STXBP3: variants seen among roughly 807,000 people sequenced by gnomAD.
The protein encoded by STXBP3 is syntaxin binding protein 3, also known as syntaxin-binding protein 3.
Under a neutral mutation model 85.7 loss-of-function variants are expected in STXBP3, and 41 were observed. The observed-to-expected ratio is 0.48, with a 90% CI of 0.37 to 0.62. STXBP3 has a LOEUF of 0.62. STXBP3 is among the 20% of genes least tolerant of loss of function. STXBP3 has a pLI of 0.00. For missense variants in STXBP3, 563 were observed against 703.1 expected (o/e 0.80, Z 2.25); for synonymous variants, 229 against 231.7 (o/e 0.99, Z 0.10).
chr1:108,806,184 A>G (rs1044326689), intron 17 of STXBP3, among the ~76,000 whole-genome samples: 4 of 152,180 alleles, frequency 2.6e-5, no homozygotes, highest in East Asian at 1.9e-4. Flanking sequence ...AGTAATTCCT[A>G]TGCTCTAGAG....
At chr1:108,797,183 C>T (rs529172401) in intron 15 of STXBP3, among the ~76,000 whole-genome samples, 6 of 151,620 alleles carry the variant, frequency 4.0e-5, no homozygotes, top group Non-Finnish European at 7.4e-5. Flanking sequence ...AGTAAGACCT[C>T]GCCTCTACAA....
In STXBP3 at chr1:108,776,390, C is replaced by T. The variant is rs765593682; in HGVS notation, c.651C>T (p.Asp217=). ...AGCTTGTTGAAAAAAAGCTTGAAGA[C>T]TACTACAAGATTGATGAAAAGAGCC... is the stretch of plus-strand genomic sequence containing the variant. ...LAQLVEKKLE[D]YYKIDEKSLI... Residue 217 remains aspartate, a synonymous_variant, in exon 8 of 19, where the codon GAC becomes GAT. Coordinates refer to ENST00000370008, the MANE Select transcript of STXBP3 (RefSeq NM_007269.4). The T allele has an allele frequency of 6.2e-7, 1 of 1,608,498 alleles. No individual in the cohort carries two copies. The highest frequency in any genetic ancestry group is 1.1e-5 in the South Asian group (1 of 90,508).
At position 108,746,727 on chromosome 1, in the gene STXBP3, G is replaced by T. The variant is rs768314502; in HGVS notation, c.-11G>T. ...GGAAGGTGGTGGCTGCTGCTCCGCA[G>T]TGTCGGGAAGATGGCGCCGCCGGTG... On this transcript the variant is annotated 5_prime_UTR_variant, in exon 1 of 19. Transcript: ENST00000370008. 1 of 1,549,470 alleles carries T rather than the reference G, an allele frequency of 6.5e-7. No homozygotes were observed. The highest frequency in any genetic ancestry group is 2.0e-5 in the Admixed American group (1 of 50,946).
chr1:108,785,253 G>A (rs566122538), intron 11 of STXBP3, among the ~76,000 whole-genome samples: 1 of 152,274 alleles, frequency 6.6e-6, no homozygotes, highest in African/African-American at 2.4e-5. Flanking sequence ...CTCCGGCCTG[G>A]ACATCCAGAC....
At chr1:108,758,473 T>G in intron 4 of STXBP3, 37 bp from the exon 5 acceptor site, 1 of 1,050,256 alleles carries the variant, frequency 9.5e-7, no homozygotes, top group Non-Finnish European at 1.4e-6. Flanking sequence ...AAATTAATAT[T>G]TAATAAAATG....
chr1:108,786,781 T>C (rs1196994262), intron 11 of STXBP3, among the ~76,000 whole-genome samples: 1 of 152,214 alleles, frequency 6.6e-6, no homozygotes, highest in Non-Finnish European at 1.5e-5. Context: ...TTAATACACA[T>C]TTTAGATTCT....
At chr1:108,762,792 A>G (rs1282466517) in intron 6 of STXBP3, among the ~76,000 whole-genome samples, 2 of 152,216 alleles carry the variant, frequency 1.3e-5, no homozygotes, top group Admixed American at 6.5e-5. Flanking sequence ...GACACTGCTT[A>G]TATCTATCCT....
chr1:108,774,872 C>T (rs1008258452), intron 7 of STXBP3, among the ~76,000 whole-genome samples: 1 of 151,854 alleles, frequency 6.6e-6, no homozygotes, highest in Non-Finnish European at 1.5e-5. Flanking sequence ...TGGTTACGTT[C>T]AGGGAAATGA....
intron 17 of STXBP3, among the ~76,000 whole-genome samples, chr1:108,801,476 T>C (rs2101136934): frequency 6.6e-6 from 1 of 152,262 alleles, no homozygotes; most frequent in Non-Finnish European, 1.5e-5. Context: ...TTTTAAAATT[T>C]TTTAATTTTT....
intron 15 of STXBP3, 31 bp from the exon 16 acceptor site, chr1:108,798,114 G>A (rs769447900): frequency 6.6e-7 from 1 of 1,521,396 alleles, no homozygotes. Context: ...AGAATTACTG[G>A]TTTTTAATTT....
At chr1:108,753,309 T>C in intron 3 of STXBP3, 165 bp downstream of exon 3, 1 of 416,546 alleles carries the variant, frequency 2.4e-6, no homozygotes, top group Non-Finnish European at 4.0e-6. Flanking sequence ...CTGTCAGTTT[T>C]TTTCCCTCAG....
At chr1:108,776,448 A>G in intron 8 of STXBP3, 25 bp downstream of exon 8, 1 of 1,518,568 alleles carries the variant, frequency 6.6e-7, no homozygotes, top group Non-Finnish European at 9.0e-7. Flanking sequence ...GCAAGTAATG[A>G]CTATGCATAA....
At chr1:108,769,928 AAG>A (rs1662346537) in intron 6 of STXBP3, among the ~76,000 whole-genome samples, 1 of 152,194 alleles carries the variant, frequency 6.6e-6, no homozygotes, top group Admixed American at 6.5e-5. Flanking sequence ...GCCGAGGGAA[AAG>A]AGAAAATAGT....
At chr1:108,802,313 C>A (rs1397167595) in intron 17 of STXBP3, among the ~76,000 whole-genome samples, 1 of 152,184 alleles carries the variant, frequency 6.6e-6, no homozygotes, top group Non-Finnish European at 1.5e-5. Flanking sequence ...AGGAGAATCG[C>A]TTGAACCTGG....
chr1:108,749,846 G>A (rs1207703456), intron 1 of STXBP3, among the ~76,000 whole-genome samples: 1 of 152,064 alleles, frequency 6.6e-6, no homozygotes, highest in Non-Finnish European at 1.5e-5. Context: ...AAGCACATAT[G>A]TAATTTTAAA....
intron 11 of STXBP3, among the ~76,000 whole-genome samples, chr1:108,792,342 T>G (rs1299461260): frequency 3.9e-5 from 6 of 152,236 alleles, no homozygotes; most frequent in African/African-American, 2.4e-5. Context: ...GGGAGTTTCT[T>G]TGTTTTTACA....
At chr1:108,755,203 C>T (rs529689663) in intron 3 of STXBP3, among the ~76,000 whole-genome samples, 18 of 152,104 alleles carry the variant, frequency 1.2e-4, no homozygotes, top group African/African-American at 2.2e-4. Flanking sequence ...CCCAGCACTT[C>T]GGGAGGCTGA....
intron 11 of STXBP3, among the ~76,000 whole-genome samples, chr1:108,791,781 G>T (rs1349030010): frequency 1.3e-5 from 2 of 151,996 alleles, no homozygotes; most frequent in Non-Finnish European, 2.9e-5. Flanking sequence ...CCCCCAAAAT[G>T]TCCTCATGCC....
intron 11 of STXBP3, among the ~76,000 whole-genome samples, chr1:108,783,052 A>C (rs1182063180): frequency 6.6e-6 from 1 of 152,088 alleles, no homozygotes; most frequent in African/African-American, 2.4e-5. Context: ...ACCACACCTG[A>C]CTAATTTTTG....
Sources: allele counts gnomAD v4.1 joint callset (sites outside exome capture counted in the v4.1 genomes callset), GRCh38; gene constraint gnomAD v4.1.1; transcripts MANE v1.5; gene names NCBI Gene and HGNC (gene_info 2026-07-23, HGNC 2026-07-21).